The following LPP variants were observed in gnomAD, a reference collection of about 807,000 sequenced individuals.
The protein encoded by LPP is LIM domain containing preferred translocation partner in lipoma.
In LPP, 38 loss-of-function variants were observed where a neutral mutation model predicts 60.4. That is an observed-to-expected ratio of 0.63 (90% CI 0.49 to 0.83). The LOEUF is 0.83. Ranked by LOEUF, LPP falls within the 40% of genes least tolerant of loss-of-function variation. LPP has a pLI of 0.00. For missense variants in LPP, 902 were observed against 783.6 expected, an observed-to-expected ratio of 1.15 and a Z score of -1.80; for synonymous variants, 328 against 290.8, an observed-to-expected ratio of 1.13 and a Z score of -1.30.
chr3:188,817,079 A>G (rs1752668465), intron 9 of LPP, among the ~76,000 whole-genome samples: 1 of 152,250 alleles, frequency 6.6e-6, no homozygotes, highest in Non-Finnish European at 1.5e-5. Context: ...TGGCTCCTTG[A>G]AAAGGCAGGA....
intron 2 of LPP, among the ~76,000 whole-genome samples, chr3:188,273,794 C>T (rs954506158): frequency 3.3e-5 from 5 of 151,850 alleles, no homozygotes; most frequent in South Asian, 2.1e-4. Flanking sequence ...TGGGGTTTCA[C>T]CATGTTGGCC....
At chr3:188,255,766 G>A (rs1031635728) in intron 2 of LPP, among the ~76,000 whole-genome samples, 1 of 152,154 alleles carries the variant, frequency 6.6e-6, no homozygotes, top group African/African-American at 2.4e-5. Flanking sequence ...AGGATGCACT[G>A]ACTTTGGTTT....
At chr3:188,810,747 T>C (rs1470091991) in intron 9 of LPP, among the ~76,000 whole-genome samples, 1 of 152,188 alleles carries the variant, frequency 6.6e-6, no homozygotes, top group Non-Finnish European at 1.5e-5. Flanking sequence ...CAGTTCTCTA[T>C]GGATTCAAAA....
Position 188,315,545 on chromosome 3 carries a change from A to G in LPP, c.-66-26118A>G, listed in dbSNP as rs143825107. ...TTTCCTGTAAGAGATGCTTATTTGTATGCCTTAAGTTTTGCTAAATAGTGT... is the reference window on the plus strand; with the variant it reads ...TTTCCTGTAAGAGATGCTTATTTGTGTGCCTTAAGTTTTGCTAAATAGTGT... On this transcript the variant is annotated intron_variant, in intron 2 of 11. Transcript: ENST00000617246. Among the ~76,000 whole-genome samples the G allele has an allele frequency of 5.5e-4, 83 of 152,190 alleles. 1 individual carries two copies. The highest frequency in any genetic ancestry group is 2.0e-3 in the African/African-American group (81 of 41,528).
At chr3:188,770,417 T>C (rs1735582501) in intron 9 of LPP, among the ~76,000 whole-genome samples, 2 of 149,914 alleles carry the variant, frequency 1.3e-5, no homozygotes, top group Non-Finnish European at 3.0e-5. Flanking sequence ...GGTCTTGATC[T>C]CCTGACCTCA....
Position 188,708,272 on chromosome 3 carries a change from C to T in LPP, c.1119C>T (p.Gly373=). ...PCAPPLQPKG[G]HSGQLGPSSV... is the part of the protein sequence containing the mutation. ...GTGTGCTTTCTGCCTTTCAGGGTGG[C>T]CATTCAGGGCAACTGGGGCCTTCGT... Residue 373 remains glycine, a synonymous_variant, in exon 8 of 12, where the codon GGC becomes GGT. Coordinates refer to ENST00000617246, the MANE Select transcript of LPP (RefSeq NM_001375462.1). 1 of 1,614,016 alleles carries T rather than the reference C, an allele frequency of 6.2e-7. No homozygotes were observed.
intron 8 of LPP, among the ~76,000 whole-genome samples, chr3:188,749,193 C>G (rs1286367268): frequency 1.3e-5 from 2 of 152,202 alleles, no homozygotes; most frequent in Non-Finnish European, 2.9e-5. Flanking sequence ...TCCTCACAAT[C>G]AGGCAACAGC....
At chr3:188,507,502 C>T (rs947273919) in intron 5 of LPP, among the ~76,000 whole-genome samples, 5 of 151,446 alleles carry the variant, frequency 3.3e-5, no homozygotes, top group African/African-American at 1.2e-4. Context: ...AATAGTTACT[C>T]AGTGAAATCA....
intron 6 of LPP, among the ~76,000 whole-genome samples, chr3:188,601,932 G>T (rs1314690233): frequency 6.6e-6 from 1 of 151,286 alleles, no homozygotes; most frequent in Non-Finnish European, 1.5e-5. Context: ...AGCTGGCGTG[G>T]TGGTGGGTGC....
chr3:188,566,189 T>C (rs1832102580), intron 6 of LPP, among the ~76,000 whole-genome samples: 1 of 151,980 alleles, frequency 6.6e-6, no homozygotes, highest in Admixed American at 6.6e-5. Context: ...CCTTGCACGA[T>C]TACAAGACGA....
At chr3:188,456,299 G>C (rs903361892) in intron 4 of LPP, among the ~76,000 whole-genome samples, 1 of 152,190 alleles carries the variant, frequency 6.6e-6, no homozygotes, top group Non-Finnish European at 1.5e-5. Flanking sequence ...AGATCTTGGT[G>C]TAAGTACAGT....
At chr3:188,760,406 T>C (rs1013318679) in intron 9 of LPP, 124 bp downstream of exon 9, 6 of 623,838 alleles carry the variant, frequency 9.6e-6, no homozygotes, top group Non-Finnish European at 1.3e-5. Context: ...AATGTGTGTG[T>C]GGGGTGTGTG....
intron 5 of LPP, among the ~76,000 whole-genome samples, chr3:188,496,328 C>T (rs1453793957): frequency 6.6e-6 from 1 of 152,138 alleles, no homozygotes; most frequent in Non-Finnish European, 1.5e-5. Flanking sequence ...AAGGTTTCAC[C>T]ATGTTGGCCA....
At chr3:188,247,263 A>G in intron 2 of LPP, 20 of 627,470 alleles carry the variant, frequency 3.2e-5, no homozygotes, top group African/African-American at 2.0e-4. Context: ...TTTAGTGGGA[A>G]AAAAAAAAAA....
chr3:188,286,069 G>A (rs567170448), intron 2 of LPP, among the ~76,000 whole-genome samples: 169 of 152,278 alleles, frequency 1.1e-3, no homozygotes, highest in African/African-American at 3.9e-3. Flanking sequence ...ATAGAGGGAA[G>A]TGACTTTCCA....
chr3:188,384,301 T>C (rs1209316853), intron 3 of LPP, among the ~76,000 whole-genome samples: 1 of 148,968 alleles, frequency 6.7e-6, no homozygotes, highest in Non-Finnish European at 1.5e-5. Context: ...TCTGTTTGCC[T>C]TTTTAGTTAT....
intron 9 of LPP, among the ~76,000 whole-genome samples, chr3:188,767,513 C>T (rs1026651352): frequency 4.6e-5 from 7 of 152,146 alleles, no homozygotes; most frequent in South Asian, 2.1e-4. Flanking sequence ...TGATTGATAA[C>T]GTTAATTTAA....
At chr3:188,613,004 T>C (rs1844031297) in intron 7 of LPP, among the ~76,000 whole-genome samples, 1 of 152,124 alleles carries the variant, frequency 6.6e-6, no homozygotes, top group Non-Finnish European at 1.5e-5. Flanking sequence ...TATGTTCCCA[T>C]AATGTGCTAA....
intron 2 of LPP, among the ~76,000 whole-genome samples, chr3:188,281,033 CA>C (rs1351424940): frequency 1.7e-4 from 25 of 151,234 alleles, no homozygotes; most frequent in Admixed American, 5.3e-4. Flanking sequence ...CTCCTGGGCT[CA>C]AGCGATTCTC....
Sources: gnomAD v4.1 joint callset for allele counts (sites outside exome capture counted in the v4.1 genomes callset) on GRCh38, gnomAD v4.1.1 for gene constraint, MANE v1.5 for transcripts, NCBI Gene and HGNC (gene_info 2026-07-23, HGNC 2026-07-21) for gene names.